Variants in USP25 observed in about 807,000 individuals in gnomAD.
USP25 encodes ubiquitin specific peptidase 25.
In USP25, 85 loss-of-function variants were observed where a neutral mutation model predicts 158.5. That is an observed-to-expected ratio of 0.54 (90% CI 0.45 to 0.64). USP25 has a LOEUF of 0.64. USP25 is among the 30% of genes least tolerant of loss of function. The pLI, the probability that USP25 is intolerant of heterozygous loss-of-function variation, is 0.00. For missense variants in USP25, 1,242 were observed against 1,327.3 expected (o/e 0.94, Z 1.00); for synonymous variants, 464 against 460.4 (o/e 1.01, Z -0.10).
At chr21:15,798,893 C>A (rs1268206561) in intron 5 of USP25, among the ~76,000 whole-genome samples, 1 of 151,166 alleles carries the variant, frequency 6.6e-6, no homozygotes, top group Non-Finnish European at 1.5e-5. Context: ...GTCAAGTTGG[C>A]TGACTCACCT....
At chr21:15,823,904 G>C (rs967561129) in intron 10 of USP25, 135 bp from the exon 11 acceptor site, 3 of 832,782 alleles carry the variant, frequency 3.6e-6, no homozygotes, top group African/African-American at 3.5e-5. Context: ...ACTAAACTGT[G>C]TACCCAGTTA....
intron 1 of USP25, among the ~76,000 whole-genome samples, chr21:15,760,385 G>GT (rs1455705548): frequency 6.6e-6 from 1 of 152,208 alleles, no homozygotes; most frequent in African/African-American, 2.4e-5. Flanking sequence ...AAGACTTGAT[G>GT]TTGGGTGTCC....
At chr21:15,779,715 T>A (rs1211969518) in intron 4 of USP25, among the ~76,000 whole-genome samples, 5 of 151,944 alleles carry the variant, frequency 3.3e-5, no homozygotes, top group Non-Finnish European at 7.4e-5. Context: ...TCTCTTCAGA[T>A]AATGCTGTTT....
intron 1 of USP25, among the ~76,000 whole-genome samples, chr21:15,741,922 T>G (rs1246818068): frequency 6.6e-6 from 1 of 152,180 alleles, no homozygotes; most frequent in Non-Finnish European, 1.5e-5. Context: ...ATTTATCTCT[T>G]TAACAATTAA....
At chr21:15,755,064 A>T (rs537469974) in intron 1 of USP25, among the ~76,000 whole-genome samples, 3 of 152,168 alleles carry the variant, frequency 2.0e-5, no homozygotes, top group South Asian at 2.1e-4. Flanking sequence ...TAATCTTGTC[A>T]TTGACAGGTA....
At chr21:15,777,115 T>C (rs564640880) in intron 3 of USP25, among the ~76,000 whole-genome samples, 58 of 152,212 alleles carry the variant, frequency 3.8e-4, no homozygotes, top group Non-Finnish European at 6.5e-4. Flanking sequence ...TCATTTTTAT[T>C]GAAGGCGGTA....
At chr21:15,829,357 TCCA>T (rs1219668636) in intron 14 of USP25, among the ~76,000 whole-genome samples, 1 of 152,180 alleles carries the variant, frequency 6.6e-6, no homozygotes, top group Admixed American at 6.5e-5. Flanking sequence ...TTTCCTTATG[TCCA>T]CCATTTCTGG....
intron 20 of USP25, among the ~76,000 whole-genome samples, chr21:15,862,735 A>T (rs929839222): frequency 1.4e-5 from 2 of 143,590 alleles, no homozygotes; most frequent in African/African-American, 5.7e-5. Context: ...CTTTGGAATG[A>T]CATGTATATC....
chr21:15,797,735 C>G (rs1441154326), intron 5 of USP25, among the ~76,000 whole-genome samples: 2 of 151,190 alleles, frequency 1.3e-5, no homozygotes. Context: ...TTTGTCTCCC[C>G]TACTTAACAG....
At chr21:15,739,481 AGTTT>A (rs1376935747) in intron 1 of USP25, among the ~76,000 whole-genome samples, 1 of 151,990 alleles carries the variant, frequency 6.6e-6, no homozygotes, top group Non-Finnish European at 1.5e-5. Context: ...GGGTGCTGGT[AGTTT>A]GTCAGTCTCT....
chr21:15,762,683 A>G (rs2033800949), intron 1 of USP25, among the ~76,000 whole-genome samples: 1 of 152,162 alleles, frequency 6.6e-6, no homozygotes, highest in South Asian at 2.1e-4. Context: ...GAAACGTGAG[A>G]ATGAAATAAG....
chr21:15,860,456 G>A (rs559926957), intron 20 of USP25, among the ~76,000 whole-genome samples: 42 of 152,040 alleles, frequency 2.8e-4, no homozygotes, highest in African/African-American at 9.6e-4. Context: ...TGCCTGGCCT[G>A]GAAATTTTTT....
At chr21:15,815,004 T>C (rs572692205) in intron 9 of USP25, among the ~76,000 whole-genome samples, 1 of 152,260 alleles carries the variant, frequency 6.6e-6, no homozygotes, top group South Asian at 2.1e-4. Context: ...AAAAATAGTT[T>C]CGTGGGCTGC....
chr21:15,845,978 G>T (rs139018616), intron 18 of USP25, among the ~76,000 whole-genome samples: 1 of 151,268 alleles, frequency 6.6e-6, no homozygotes, highest in Non-Finnish European at 1.5e-5. Context: ...TAGAACAGCC[G>T]TTACATACCT....
chr21:15,811,660 G>GT (rs1285085854), intron 9 of USP25, among the ~76,000 whole-genome samples: 1 of 152,104 alleles, frequency 6.6e-6, no homozygotes, highest in East Asian at 1.9e-4. Flanking sequence ...GTAGATATTA[G>GT]TTTTCAGGAA....
chr21:15,819,540 C>G (rs1269048992), intron 10 of USP25, among the ~76,000 whole-genome samples: 2 of 152,112 alleles, frequency 1.3e-5, no homozygotes, highest in Non-Finnish European at 2.9e-5. Context: ...AGCTGTTAAA[C>G]TCCATGAATG....
intron 20 of USP25, among the ~76,000 whole-genome samples, chr21:15,857,236 A>G (rs763671976): frequency 6.6e-6 from 1 of 152,304 alleles, no homozygotes; most frequent in Non-Finnish European, 1.5e-5. Flanking sequence ...AAGAACACCT[A>G]AGTTGTTACC....
intron 4 of USP25, among the ~76,000 whole-genome samples, chr21:15,789,074 G>T (rs1176245858): frequency 6.6e-6 from 1 of 152,038 alleles, no homozygotes; most frequent in Non-Finnish European, 1.5e-5. Context: ...CTTGCTCCTA[G>T]AAAGTACATT....
At chr21:15,753,876 G>A (rs28730511) in intron 1 of USP25, among the ~76,000 whole-genome samples, 23,722 of 151,908 alleles carry the variant, frequency 0.16, 3,910 homozygotes, top group African/African-American at 0.42. Context: ...AGCTTATGTA[G>A]CATCCAGAGC....
Sources: gnomAD v4.1 joint callset for allele counts (sites outside exome capture counted in the v4.1 genomes callset) on GRCh38, gnomAD v4.1.1 for gene constraint, MANE v1.5 for transcripts, NCBI Gene and HGNC (gene_info 2026-07-23, HGNC 2026-07-21) for gene names.